Variants in CNTNAP2 observed in about 807,000 individuals in gnomAD.
CNTNAP2 encodes the protein contactin associated protein 2, also known as contactin-associated protein-like 2.
A neutral mutation model predicts 155.2 loss-of-function variants in CNTNAP2; 98 were observed. That is an observed-to-expected ratio of 0.63 (90% CI 0.54 to 0.75). CNTNAP2 has a LOEUF of 0.75. CNTNAP2 is among the 30% of genes least tolerant of loss of function. The probability of loss-of-function intolerance (pLI) is 0.00; values close to 1 mark genes in which losing one functional copy is unlikely to be tolerated. For missense variants in CNTNAP2, 1,727 were observed against 1,688.1 expected (o/e 1.02, Z -0.40); for synonymous variants, 651 against 631.2 (o/e 1.03, Z -0.47).
chr7:148,200,461 C>A (rs913687075), intron 18 of CNTNAP2, among the ~76,000 whole-genome samples: 8 of 151,218 alleles, frequency 5.3e-5, no homozygotes, highest in African/African-American at 1.9e-4. Context: ...GTGGCACAAT[C>A]ATGGCTCACT....
intron 1 of CNTNAP2, among the ~76,000 whole-genome samples, chr7:146,298,278 A>G (rs1056942875): frequency 1.3e-5 from 2 of 152,180 alleles, no homozygotes; most frequent in African/African-American, 4.8e-5. Flanking sequence ...GAGTCTTCAA[A>G]AAGTCTATAC....
At chr7:147,271,152 T>G (rs1468438353) in intron 8 of CNTNAP2, among the ~76,000 whole-genome samples, 1 of 152,208 alleles carries the variant, frequency 6.6e-6, no homozygotes, top group Non-Finnish European at 1.5e-5. Flanking sequence ...GTATAGATCA[T>G]GATAACACCT....
intron 17 of CNTNAP2, among the ~76,000 whole-genome samples, chr7:148,153,190 G>T (rs781736969): frequency 1.3e-5 from 2 of 151,558 alleles, no homozygotes; most frequent in Non-Finnish European, 2.9e-5. Context: ...TCTTTGCAAA[G>T]GTGGTGTCAT....
intron 11 of CNTNAP2, among the ~76,000 whole-genome samples, chr7:147,541,626 T>G (rs1475480327): frequency 6.6e-6 from 1 of 152,220 alleles, no homozygotes; most frequent in Non-Finnish European, 1.5e-5. Context: ...TGGTCAATTT[T>G]AAATCGTACC....
At chr7:146,304,497 T>A (rs1800671997) in intron 1 of CNTNAP2, among the ~76,000 whole-genome samples, 1 of 152,130 alleles carries the variant, frequency 6.6e-6, no homozygotes, top group Non-Finnish European at 1.5e-5. Flanking sequence ...TTTGTTTGTC[T>A]GTAAAGGATT....
intron 1 of CNTNAP2, among the ~76,000 whole-genome samples, chr7:146,580,617 C>T (rs1293297866): frequency 6.6e-6 from 1 of 151,980 alleles, no homozygotes; most frequent in Non-Finnish European, 1.5e-5. Flanking sequence ...CTTTCCTGGC[C>T]CACACTCCTG....
chr7:147,880,071 C>T (rs578077153), intron 13 of CNTNAP2, among the ~76,000 whole-genome samples: 11 of 152,318 alleles, frequency 7.2e-5, no homozygotes, highest in South Asian at 2.1e-4. Context: ...TCTCCCGCAG[C>T]GTTAGCGCTC....
At chr7:147,371,153 A>G (rs1239025080) in intron 9 of CNTNAP2, among the ~76,000 whole-genome samples, 1 of 152,164 alleles carries the variant, frequency 6.6e-6, no homozygotes, top group East Asian at 1.9e-4. Context: ...AGACATTGAT[A>G]TGAAGATTCA....
intron 13 of CNTNAP2, among the ~76,000 whole-genome samples, chr7:147,823,390 G>C (rs926320815): frequency 6.6e-6 from 1 of 151,992 alleles, no homozygotes. Flanking sequence ...AGATTTCTAC[G>C]TTGTTTAGTT....
intron 1 of CNTNAP2, among the ~76,000 whole-genome samples, chr7:146,567,588 C>A (rs1405833560): frequency 2.6e-5 from 4 of 152,072 alleles, no homozygotes; most frequent in Non-Finnish European, 5.9e-5. Flanking sequence ...GCTATATTTT[C>A]TTTCCTGGTT....
chr7:146,881,859 A>G (rs1485803540), intron 3 of CNTNAP2, among the ~76,000 whole-genome samples: 1 of 150,058 alleles, frequency 6.7e-6, no homozygotes, highest in Non-Finnish European at 1.5e-5. Context: ...CAGCTTTGCT[A>G]CAAAGGTATA....
intron 3 of CNTNAP2, among the ~76,000 whole-genome samples, chr7:146,959,669 G>A (rs923778213): frequency 7.0e-6 from 1 of 142,578 alleles, no homozygotes; most frequent in East Asian, 2.1e-4. Flanking sequence ...GCAGTGAGCT[G>A]AGATCATACC....
chr7:146,641,259 G>A (rs1431019811), intron 1 of CNTNAP2, among the ~76,000 whole-genome samples: 1 of 152,198 alleles, frequency 6.6e-6, no homozygotes, highest in African/African-American at 2.4e-5. Context: ...CCCAGAGGCG[G>A]AGCTTGCAGT....
At chr7:147,644,540 T>A (rs954629618) in intron 13 of CNTNAP2, among the ~76,000 whole-genome samples, 1 of 152,116 alleles carries the variant, frequency 6.6e-6, no homozygotes, top group African/African-American at 2.4e-5. Context: ...GAAAATCACT[T>A]GAACTCGGGA....
In CNTNAP2 at chr7:146,377,956, C is replaced by T. The variant is rs184392383; in HGVS notation, c.97+260983C>T. On this transcript the variant is annotated intron_variant, in intron 1 of 23. Coordinates refer to ENST00000361727, the MANE Select transcript of CNTNAP2 (RefSeq NM_014141.6). ...CTTTCAGTACCTCCTACCTCATCCA[C>T]AATTCTTATGTTACTATGCTACTTA... Among the ~76,000 whole-genome samples the T allele has an allele frequency of 9.4e-4, 143 of 152,264 alleles. 1 individual carries two copies. Among genetic ancestry groups the T allele is most frequent in the Middle Eastern group, 3.4e-3 (1 of 294 alleles).
At chr7:147,433,712 GTGCCTGTGGGTGTTTTCAAAC>G (rs1372863924) in intron 10 of CNTNAP2, among the ~76,000 whole-genome samples, 2 of 152,130 alleles carry the variant, frequency 1.3e-5, no homozygotes, top group Non-Finnish European at 2.9e-5. Context: ...AAAAAAATGA[GTGCCTGTGGGTGTTTTCAAAC>G]TGCCTGTGGG....
At chr7:146,630,157 C>T (rs1421650822) in intron 1 of CNTNAP2, among the ~76,000 whole-genome samples, 2 of 152,110 alleles carry the variant, frequency 1.3e-5, no homozygotes, top group Admixed American at 1.3e-4. Context: ...AGACAGGCCC[C>T]AGCATATGAT....
chr7:148,280,393 C>T (rs1796951835), intron 21 of CNTNAP2, among the ~76,000 whole-genome samples: 1 of 152,164 alleles, frequency 6.6e-6, no homozygotes, highest in African/African-American at 2.4e-5. Flanking sequence ...CACAGACCTA[C>T]ACAGATGATA....
At chr7:148,033,851 A>G (rs1008272753) in intron 15 of CNTNAP2, among the ~76,000 whole-genome samples, 7 of 152,180 alleles carry the variant, frequency 4.6e-5, no homozygotes, top group Non-Finnish European at 1.0e-4. Flanking sequence ...CTACCAGGAA[A>G]CTAGCAGCAA....
Sources: allele counts gnomAD v4.1 joint callset (sites outside exome capture counted in the v4.1 genomes callset), GRCh38; gene constraint gnomAD v4.1.1; transcripts MANE v1.5; gene names NCBI Gene and HGNC (gene_info 2026-07-23, HGNC 2026-07-21).